The following CIROZ variants were observed in gnomAD, a reference collection of about 807,000 sequenced individuals.
The protein encoded by CIROZ is ciliated left-right organizer ZP-N domains-containing protein.
the CIROZ span, chr1:10,948,997 G>C: frequency 1.6e-6 from 1 of 644,268 alleles, no homozygotes; most frequent in Non-Finnish European, 2.3e-6. Context: ...GGCCAAGGCG[G>C]GTGGATCACT....
the CIROZ span, among the ~76,000 whole-genome samples, chr1:10,951,329 C>A: frequency 1.3e-5 from 2 of 152,088 alleles, no homozygotes; most frequent in East Asian, 3.8e-4. Flanking sequence ...GTACGGGAGG[C>A]TGAGGCGGCT....
At chr1:10,953,397 T>C in the CIROZ span, among the ~76,000 whole-genome samples, 3 of 152,252 alleles carry the variant, frequency 2.0e-5, no homozygotes, top group Admixed American at 6.5e-5. Flanking sequence ...TACCAGGTTG[T>C]CCATTAGCGG....
chr1:10,959,899 T>C, the CIROZ span, among the ~76,000 whole-genome samples: 1 of 152,162 alleles, frequency 6.6e-6, no homozygotes, highest in Non-Finnish European at 1.5e-5. This position sits in a 1 kb window ranked among gnomAD's most constrained non-coding sequence, Gnocchi z 4.3. Context: ...CTGCCTTCCC[T>C]TGGGGAGCAA....
At chr1:10,979,217 C>T in the CIROZ span, among the ~76,000 whole-genome samples, 3 of 152,194 alleles carry the variant, frequency 2.0e-5, 1 homozygote, top group Non-Finnish European at 2.9e-5. Context: ...TGGTCTTGAG[C>T]TCCTGGCTTC....
At chr1:10,975,839 T>C in the CIROZ span, among the ~76,000 whole-genome samples, 2 of 152,020 alleles carry the variant, frequency 1.3e-5, no homozygotes, top group Admixed American at 6.6e-5. Context: ...AATGAGTTAA[T>C]AGACACAAAT....
chr1:10,953,924 T>C, the CIROZ span: 1 of 1,472,580 alleles, frequency 6.8e-7, no homozygotes, highest in Non-Finnish European at 9.0e-7. Flanking sequence ...GAGTGAAACA[T>C]TGTCACAGAA....
At chr1:10,956,633 G>A in the CIROZ span, among the ~76,000 whole-genome samples, 21 of 151,936 alleles carry the variant, frequency 1.4e-4, no homozygotes, top group South Asian at 6.3e-4. Flanking sequence ...CCGCCACCAC[G>A]CCCGGCTAAT....
chr1:10,974,230 T>G, the CIROZ span, among the ~76,000 whole-genome samples: 3 of 152,082 alleles, frequency 2.0e-5, no homozygotes, highest in African/African-American at 7.2e-5. This position sits in a 1 kb window ranked among gnomAD's most constrained non-coding sequence, Gnocchi z 4.4. Context: ...GGCCCATAGC[T>G]GCCCATGGAC....
At chr1:10,963,495 C>T in the CIROZ span, among the ~76,000 whole-genome samples, 5 of 152,008 alleles carry the variant, frequency 3.3e-5, no homozygotes, top group African/African-American at 1.2e-4. Flanking sequence ...ATTTCTGTGG[C>T]GGGTTTGGTC....
chr1:10,955,240 G>T, the CIROZ span: 1 of 1,503,626 alleles, frequency 6.7e-7, no homozygotes, highest in Non-Finnish European at 9.0e-7. Context: ...CAGGCTCGTG[G>T]ACAAATTAAG....
chr1:10,980,781 C>T, the CIROZ span, among the ~76,000 whole-genome samples: 1 of 152,200 alleles, frequency 6.6e-6, no homozygotes. Context: ...TTCCCCCTCA[C>T]TTCTCAGACC....
the CIROZ span, among the ~76,000 whole-genome samples, chr1:10,950,279 C>T: frequency 6.6e-6 from 1 of 152,066 alleles, no homozygotes; most frequent in Non-Finnish European, 1.5e-5. Flanking sequence ...AAATGATCTG[C>T]CCGCCTTGGC....
At chr1:10,972,420 T>TACACACACAC in the CIROZ span, among the ~76,000 whole-genome samples, 618 of 131,762 alleles carry the variant, frequency 4.7e-3, 4 homozygotes, top group South Asian at 0.021. Flanking sequence ...GTCTCTGAAA[T>TACACACACAC]ACACACACAC....
At chr1:10,948,556 G>C in the CIROZ span, 455 of 1,614,084 alleles carry the variant, frequency 2.8e-4, no homozygotes, top group Non-Finnish European at 3.6e-4. Flanking sequence ...GATTCAGGTC[G>C]TTCAGGCCTC....
chr1:10,958,672 T>G, the CIROZ span: 1 of 1,611,204 alleles, frequency 6.2e-7, no homozygotes, highest in Non-Finnish European at 8.5e-7. Context: ...TAGCAGAAAC[T>G]TCCAGAGAGT....
chr1:10,960,671 G>A, the CIROZ span, among the ~76,000 whole-genome samples: 4 of 152,236 alleles, frequency 2.6e-5, no homozygotes, highest in East Asian at 5.8e-4. This position sits in a 1 kb window ranked among gnomAD's most constrained non-coding sequence, Gnocchi z 4.6. Flanking sequence ...CTCGCAGATC[G>A]CTGCGAGCAG....
At chr1:10,948,967 G>T in the CIROZ span, 1 of 963,002 alleles carries the variant, frequency 1.0e-6, no homozygotes, top group Non-Finnish European at 1.4e-6. Context: ...GCTCACGACT[G>T]TAATCCCAAC....
the CIROZ span, among the ~76,000 whole-genome samples, chr1:10,951,745 A>AAAAAAAAAATATATATAT: frequency 2.5e-5 from 3 of 119,188 alleles, no homozygotes; most frequent in African/African-American, 1.1e-4. Context: ...AAAAAAAAAA[A>AAAAAAAAAATATATATAT]ATATATATAT....
At chr1:10,954,340 G>A in the CIROZ span, among the ~76,000 whole-genome samples, 1 of 151,952 alleles carries the variant, frequency 6.6e-6, no homozygotes, top group Non-Finnish European at 1.5e-5. Context: ...TGTAGTCCCA[G>A]CTACTCGGGA....
Sources: allele counts gnomAD v4.1 joint callset (sites outside exome capture counted in the v4.1 genomes callset), GRCh38; gene constraint gnomAD v4.1.1; non-coding constraint Gnocchi (gnomAD v3.1); transcripts MANE v1.5; gene names NCBI Gene and HGNC (gene_info 2026-07-23, HGNC 2026-07-21).